MED28: variants seen among roughly 807,000 people sequenced by gnomAD.
MED28 encodes mediator complex subunit 28, also known as mediator of RNA polymerase II transcription subunit 28.
Under a neutral mutation model 21.3 loss-of-function variants are expected in MED28, and 26 were observed. The ratio of observed to expected loss-of-function variants is 1.22; its 90% CI spans 0.89 to 1.69. MED28 has a LOEUF of 1.69. Ranked by LOEUF, MED28 falls within the 40% of genes most tolerant of loss-of-function variation. The pLI is 0.00. For missense variants in MED28, 257 were observed against 215.4 expected, an observed-to-expected ratio of 1.19 and a Z score of -1.21; for synonymous variants, 110 against 87.6, an observed-to-expected ratio of 1.26 and a Z score of -1.43.
Position 17,627,551 on chromosome 4 carries a change from A to G in MED28, c.*3753A>G, listed in dbSNP as rs1695751166. The G allele has an allele frequency of 6.6e-6, 1 of 152,282 alleles. No individual in the cohort carries two copies. The highest frequency in any genetic ancestry group is 2.4e-5 in the African/African-American group (1 of 41,448). 9.4% of individuals were successfully genotyped at this position (152,282 alleles called of 1,614,324 possible). On this transcript the variant is annotated 3_prime_UTR_variant, in exon 4 of 4. Coordinates refer to ENST00000237380, the MANE Select transcript of MED28 (RefSeq NM_025205.5). ...GCACTGCTCAGTCCTCCCTTCAAGA[A>G]AGCAGCTTCAAGGAGTTCAATTACA...
At position 17,627,889 on chromosome 4, in the gene MED28, A is replaced by G. The variant is rs1311620168; in HGVS notation, c.*4091A>G. 1 of 152,274 alleles carries G rather than the reference A, an allele frequency of 6.6e-6. No individual in the cohort carries two copies. Among genetic ancestry groups the G allele is most frequent in the Non-Finnish European group, 1.5e-5 (1 of 68,086 alleles). The allele number at this position is 152,274 out of a possible 1,614,324, so 9.4% of individuals were successfully genotyped here. On this transcript the variant is annotated 3_prime_UTR_variant, in exon 4 of 4. Coordinates refer to ENST00000237380, the MANE Select transcript of MED28 (RefSeq NM_025205.5). Reference sequence around the variant, plus strand: ...CTTGGGCGCTTCCATCAGCCTGGCCATGACATCTTTGGAGCTGTCCTGCCC... The same window carrying G: ...CTTGGGCGCTTCCATCAGCCTGGCCGTGACATCTTTGGAGCTGTCCTGCCC...
At chr4:17,615,866 T>G (rs1189538102) in intron 1 of MED28, among the ~76,000 whole-genome samples, 1 of 133,392 alleles carries the variant, frequency 7.5e-6, no homozygotes, top group Non-Finnish European at 1.5e-5. Context: ...GACTTTTGTA[T>G]TGTATCTAAT....
intron 1 of MED28, 30 bp downstream of exon 1, chr4:17,614,843 T>A (rs775390446): frequency 1.9e-6 from 3 of 1,558,780 alleles, no homozygotes; most frequent in Non-Finnish European, 2.6e-6. Context: ...TCTTTGTCCC[T>A]AGCCTTCCCT....
rs1342626653 is a variant in MED28, at chr4:17,625,051, C to T, written c.*1253C>T. 1 of 152,184 alleles carries T rather than the reference C, an allele frequency of 6.6e-6. No homozygotes were observed. The highest frequency in any genetic ancestry group is 2.4e-5 in the African/African-American group (1 of 41,408). The allele number at this position is 152,184 out of a possible 1,614,324, so 9.4% of individuals were successfully genotyped here. On this transcript the variant is annotated 3_prime_UTR_variant, in exon 4 of 4. Coordinates refer to ENST00000237380, the MANE Select transcript of MED28 (RefSeq NM_025205.5). Reference sequence around the variant, plus strand: ...TGTCTTCAGCCTTGAAGGCCCCTTCCCACATGGACTGACATCCACTCATGT... The same window carrying T: ...TGTCTTCAGCCTTGAAGGCCCCTTCTCACATGGACTGACATCCACTCATGT...
chr4:17,632,641 GGT>G lies in MED28; in HGVS notation c.*8844_*8845del. 1 of 1,012,380 alleles carries G rather than the reference GGT, an allele frequency of 9.9e-7. No individual in the cohort carries two copies. Among genetic ancestry groups the G allele is most frequent in the Non-Finnish European group, 1.5e-6 (1 of 686,794 alleles). The allele number at this position is 1,012,380 out of a possible 1,614,324, so 62.7% of individuals were successfully genotyped here. Reference sequence around the variant, plus strand: ...ATCTGGGGTCCTAAAAGCAAAAAAAGGTTTTTTTATATGGTTTTGAAAACTAT... The same window carrying G: ...ATCTGGGGTCCTAAAAGCAAAAAAAGTTTTTTATATGGTTTTGAAAACTAT... On this transcript the variant is annotated 3_prime_UTR_variant, in exon 4 of 4. Transcript: ENST00000237380.
At position 17,623,767 on chromosome 4, in the gene MED28, C is replaced by G; in HGVS notation, c.506C>G (p.Ala169Gly). ...TTGGCCTACCTGGAGCAGGCATCTG[C>G]CAACATCCCTGCACCTCTGAAGCCA... ...GSLAYLEQAS[A>G]NIPAPLKPT is the part of the protein sequence containing the mutation. The change falls in exon 4 of 4, where the codon GCC (alanine) becomes GGC (glycine). Residue 169 changes from alanine to glycine, a missense_variant. Transcript: ENST00000237380. 6.2e-7 allele frequency: 1 copy of G among 1,614,128 alleles called. No individual in the cohort carries two copies. The highest frequency in any genetic ancestry group is 8.5e-7 in the Non-Finnish European group (1 of 1,179,986).
rs1365049702 is a variant in MED28, at chr4:17,619,902, C to T, written c.161C>T (p.Ala54Val). Residue 54 changes from alanine (A) to valine (V), a missense_variant and splice_region_variant, in exon 2 of 4, where the codon GCT becomes GTT. Coordinates refer to ENST00000237380, the MANE Select transcript of MED28 (RefSeq NM_025205.5). Reference protein sequence around the residue: ...LVDELESSFEACFASLVSQDY... With the variant: ...LVDELESSFEVCFASLVSQDY... ...CTTTCCTATGTTTTGATTACACAGG[C>T]TTGCTTTGCATCTCTGGTGAGTCAG... 2 of 1,613,960 alleles carry T rather than the reference C, an allele frequency of 1.2e-6. No homozygotes were observed. Among genetic ancestry groups the T allele is most frequent in the Admixed American group, 1.7e-5 (1 of 60,020 alleles).
rs1714391310 is a variant in MED28 at position 17,614,742 on chromosome 4, C to G, written c.88C>G (p.Leu30Val). Reference sequence around the variant, plus strand: ...GGGCCTTCCGGGCCAAGCTTCGCTTCTTCAGGCAGCTCCAGGCGCTCCTAG... The same window carrying G: ...GGGCCTTCCGGGCCAAGCTTCGCTTGTTCAGGCAGCTCCAGGCGCTCCTAG... Reference protein sequence around the residue: ...PPGLPGQASLLQAAPGAPRPS... With the variant: ...PPGLPGQASLVQAAPGAPRPS... Residue 30 changes from leucine to valine, a missense_variant, in exon 1 of 4, where the codon CTT becomes GTT. Coordinates refer to ENST00000237380, the MANE Select transcript of MED28 (RefSeq NM_025205.5). 3 of 1,614,162 alleles carry G rather than the reference C, an allele frequency of 1.9e-6. No homozygotes were observed. The Admixed American group carries it at 5.0e-5, about 27-fold the overall frequency.
rs146036794 is a variant in MED28, at chr4:17,614,726, G to A, written c.72G>A (p.Pro24=). The A allele has an allele frequency of 7.8e-4, 1,253 of 1,614,254 alleles. 12 individuals are homozygous for A. The African/African-American group carries it at 0.015, about 19-fold the overall frequency. Residue 24 remains proline (P), a synonymous_variant, in exon 1 of 4, where the codon CCG becomes CCA. Coordinates refer to ENST00000237380, the MANE Select transcript of MED28 (RefSeq NM_025205.5). The stretch of plus-strand genomic sequence containing the variant: ...CCCCTCAGGCCCCGCCGGGCCTTCC[G>A]GGCCAAGCTTCGCTTCTTCAGGCAG... ...PGPPQAPPGL[P]GQASLLQAAP...
rs928311512 is a variant in MED28 at position 17,623,942 on chromosome 4, C to T, written c.*144C>T. ...TTTTATGCTCCCATTGAAAAATTTT[C>T]CACTATTTTTATAAGCTGTTAATTT... is the stretch of plus-strand genomic sequence containing the variant. On this transcript the variant is annotated 3_prime_UTR_variant, in exon 4 of 4. Coordinates refer to ENST00000237380, the MANE Select transcript of MED28 (RefSeq NM_025205.5). 17 of 880,996 alleles carry T rather than the reference C, an allele frequency of 1.9e-5. No homozygotes were observed. In the African/African-American group the frequency reaches 2.0e-4, roughly 11 times the overall value. 54.6% of individuals were successfully genotyped at this position (880,996 alleles called of 1,614,324 possible). A position where few individuals can be genotyped will look rare whatever the true frequency, so the allele number is the denominator to read the frequency against.
chr4:17,620,276 T>G (rs543968029), intron 2 of MED28, among the ~76,000 whole-genome samples: 4 of 152,322 alleles, frequency 2.6e-5, no homozygotes, highest in Non-Finnish European at 5.9e-5. Flanking sequence ...GAAAAGTCTC[T>G]TGTGCTTCTT....
chr4:17,629,848 A>G lies in MED28; in HGVS notation c.*6050A>G, dbSNP rs559081692. On this transcript the variant is annotated 3_prime_UTR_variant, in exon 4 of 4. Transcript: ENST00000237380. ...ACAGTAGGTTCATTTACTGCTGGTA[A>G]GGGTGTAAATTGTTAGAAACTTTCT... 6.6e-6 allele frequency: 1 copy of G among 152,316 alleles called. No individual in the cohort carries two copies. The highest frequency in any genetic ancestry group is 1.5e-5 in the Non-Finnish European group (1 of 68,024). The allele number at this position is 152,316 out of a possible 1,614,324, so 9.4% of individuals were successfully genotyped here.
chr4:17,632,745 G>T lies in MED28; in HGVS notation c.*8947G>T. The stretch of plus-strand genomic sequence containing the variant: ...TTTACTCTTCAAAAACACCCAAATG[G>T]GACTGGCCAACATTAGTAGTGGGAA... On this transcript the variant is annotated 3_prime_UTR_variant, in exon 4 of 4. Coordinates refer to ENST00000237380, the MANE Select transcript of MED28 (RefSeq NM_025205.5). The T allele has an allele frequency of 1.5e-6, 1 of 660,280 alleles. No individual in the cohort carries two copies. Among genetic ancestry groups the T allele is most frequent in the Non-Finnish European group, 2.6e-6 (1 of 384,020 alleles). 40.9% of individuals were successfully genotyped at this position (660,280 alleles called of 1,614,324 possible).
rs1394873377 is a variant in MED28, at chr4:17,633,727, G to T, written c.*9929G>T. On this transcript the variant is annotated 3_prime_UTR_variant, in exon 4 of 4. Coordinates refer to ENST00000237380, the MANE Select transcript of MED28 (RefSeq NM_025205.5). ...TTGCATCTGTAGACTGGTTGGGTTT[G>T]TAGGTCCGGCCACAGCTGGGGCTTG... 1.3e-6 allele frequency: 2 copies of T among 1,549,138 alleles called. No homozygotes were observed. The highest frequency in any genetic ancestry group is 2.7e-5 in the African/African-American group (2 of 72,818).
At position 17,633,916 on chromosome 4, in the gene MED28, C is replaced by T. The variant is rs1339240621; in HGVS notation, c.*10118C>T. 4.4e-6 allele frequency: 6 copies of T among 1,358,674 alleles called. No individual in the cohort carries two copies. Among genetic ancestry groups the T allele is most frequent in the Non-Finnish European group, 5.8e-6 (6 of 1,041,368 alleles). 84.2% of individuals were successfully genotyped at this position (1,358,674 alleles called of 1,614,324 possible). A position where few individuals can be genotyped will look rare whatever the true frequency, so the allele number is the denominator to read the frequency against. ...GTTTGTATTAATGGACAGGTTAGTG[C>T]AATGCAATGCAAAAAACAAAATAAA... On this transcript the variant is annotated 3_prime_UTR_variant, in exon 4 of 4. Transcript: ENST00000237380.
intron 3 of MED28, among the ~76,000 whole-genome samples, chr4:17,623,104 A>C (rs1258391420): frequency 6.6e-6 from 1 of 152,198 alleles, no homozygotes; most frequent in Non-Finnish European, 1.5e-5. Context: ...ACTTTCTATA[A>C]GAAAAATAAA....
rs113493634 is a variant in MED28 at position 17,626,678 on chromosome 4, C to CT, written c.*2890dup. On this transcript the variant is annotated 3_prime_UTR_variant, in exon 4 of 4. Coordinates refer to ENST00000237380, the MANE Select transcript of MED28 (RefSeq NM_025205.5). ...AACCTACTCACATCTTCAGGACAGC[C>CT]TTTTTTTTTTGAGACAGGAGTCTTG... 0.034 allele frequency: 5,089 copies of CT among 149,284 alleles called. 286 individuals are homozygous for CT. Among genetic ancestry groups the CT allele is most frequent in the African/African-American group, 0.12 (4,759 of 40,848 alleles). 9.2% of individuals were successfully genotyped at this position (149,284 alleles called of 1,614,324 possible). A position where few individuals can be genotyped will look rare whatever the true frequency, so the allele number is the denominator to read the frequency against.
At chr4:17,621,842 A>G (rs925781074) in intron 3 of MED28, 143 bp downstream of exon 3, 17 of 644,310 alleles carry the variant, frequency 2.6e-5, no homozygotes, top group Non-Finnish European at 3.8e-5. Flanking sequence ...CTAGTCATCC[A>G]TGTTTGGGAC....
rs956644010 is a variant in MED28 at position 17,633,431 on chromosome 4, G to T, written c.*9633G>T. 5.5e-5 allele frequency: 19 copies of T among 343,210 alleles called. No homozygotes were observed. The highest frequency in any genetic ancestry group is 9.4e-5 in the Non-Finnish European group (18 of 191,074). The allele number at this position is 343,210 out of a possible 1,614,324, so 21.3% of individuals were successfully genotyped here. A position where few individuals can be genotyped will look rare whatever the true frequency, so the allele number is the denominator to read the frequency against. ...GCAAGGTATATGGAGACCTGGAGAGGTCAAGTGACCTGTCCAAGGCCACAG... is the reference window on the plus strand; with the variant it reads ...GCAAGGTATATGGAGACCTGGAGAGTTCAAGTGACCTGTCCAAGGCCACAG... On this transcript the variant is annotated 3_prime_UTR_variant, in exon 4 of 4. Coordinates refer to ENST00000237380, the MANE Select transcript of MED28 (RefSeq NM_025205.5).
Sources: allele counts gnomAD v4.1 joint callset (sites outside exome capture counted in the v4.1 genomes callset), GRCh38; gene constraint gnomAD v4.1.1; transcripts MANE v1.5; gene names NCBI Gene and HGNC (gene_info 2026-07-23, HGNC 2026-07-21).